The following RUNX1T1 variants were observed in gnomAD, a reference collection of about 807,000 sequenced individuals.
The protein encoded by RUNX1T1 is protein CBFA2T1.
RUNX1T1 carries 4 observed loss-of-function variants against 62.8 expected under a neutral mutation model. That is an observed-to-expected ratio of 0.06 (90% CI 0.03 to 0.15). The LOEUF (loss-of-function observed/expected upper bound fraction) is 0.15, where lower values mean the gene tolerates loss of function less well. Ranked by LOEUF, RUNX1T1 falls within the 10% of genes least tolerant of loss-of-function variation. RUNX1T1 has a pLI of 1.00. For synonymous variants in RUNX1T1, 291 were observed against 286.0 expected (o/e 1.02, Z -0.18); for missense variants, 508 against 754.3 (o/e 0.67, Z 3.82).
chr8:92,004,309 A>G (rs976554263), intron 5 of RUNX1T1: 23 of 152,268 alleles, frequency 1.5e-4, no homozygotes, highest in African/African-American at 5.5e-4. Flanking sequence ...AAAATTCTCC[A>G]TATTTCAAAA....
chr8:91,976,391 GCTCTGATT>G (rs1247335282), intron 8 of RUNX1T1, among the ~76,000 whole-genome samples: 1 of 152,164 alleles, frequency 6.6e-6, no homozygotes, highest in Non-Finnish European at 1.5e-5. Flanking sequence ...TTTCCACAGA[GCTCTGATT>G]CTGCCACCTT....
rs536956504 is a variant in RUNX1T1 at position 92,033,464 on chromosome 8, G to A, written c.8-16101C>T. On this transcript the variant is annotated intron_variant, in intron 1 of 10. Transcript: ENST00000396218. Reference sequence around the variant, plus strand: ...TACTGAGTAGCTATTTCTTAAGTTCGTGATTCAGAATGGGGCAGAACTTTC... The same window carrying A: ...TACTGAGTAGCTATTTCTTAAGTTCATGATTCAGAATGGGGCAGAACTTTC... Among the ~76,000 whole-genome samples, 14 of 152,254 alleles carry A rather than the reference G, an allele frequency of 9.2e-5. No homozygotes were observed. The South Asian group carries it at 2.3e-3, about 25-fold the overall frequency.
chr8:92,003,808 T>G (rs1052273651), intron 5 of RUNX1T1, among the ~76,000 whole-genome samples: 13 of 152,212 alleles, frequency 8.5e-5, no homozygotes. Flanking sequence ...AAGTGCTCTA[T>G]TTTACTCTTA....
chr8:92,020,013 T>C (rs1188607108), intron 1 of RUNX1T1, among the ~76,000 whole-genome samples: 2 of 152,210 alleles, frequency 1.3e-5, no homozygotes, highest in African/African-American at 2.4e-5. Context: ...TCAGGGTTTT[T>C]ACATTAGCCA....
chr8:92,017,449 G>A, intron 1 of RUNX1T1, 86 bp from the exon 3 acceptor site: 1 of 1,600,912 alleles, frequency 6.2e-7, no homozygotes, highest in Non-Finnish European at 8.5e-7. Flanking sequence ...AAAAGCAAGT[G>A]AACAGAAGAA....
chr8:92,081,198 G>T, intron 1 of RUNX1T1: 1 of 577,218 alleles, frequency 1.7e-6, no homozygotes, highest in Non-Finnish European at 2.2e-6. Flanking sequence ...AACTTATCAG[G>T]ATGATATGAG....
At chr8:91,999,038 T>C (rs1819259634) in intron 5 of RUNX1T1, among the ~76,000 whole-genome samples, 1 of 152,246 alleles carries the variant, frequency 6.6e-6, no homozygotes, top group Non-Finnish European at 1.5e-5. Flanking sequence ...CCCCAGTATG[T>C]GTAATGCACT....
chr8:92,082,887 G>T (rs1175179937), intron 1 of RUNX1T1, among the ~76,000 whole-genome samples: 1 of 151,876 alleles, frequency 6.6e-6, no homozygotes, highest in African/African-American at 2.4e-5. Flanking sequence ...TCCAGAGGAA[G>T]AGAGGAGGGA....
intron 5 of RUNX1T1, among the ~76,000 whole-genome samples, chr8:91,998,688 T>C (rs1819179246): frequency 6.6e-6 from 1 of 152,182 alleles, no homozygotes; most frequent in Non-Finnish European, 1.5e-5. Context: ...CTGTTTCCCT[T>C]GCCTTTTCTA....
chr8:92,005,549 G>C (rs1313007408), intron 4 of RUNX1T1: 7 of 452,910 alleles, frequency 1.5e-5, no homozygotes, highest in African/African-American at 1.4e-4. Flanking sequence ...TGATAACATT[G>C]CAAGTGGCAC....
chr8:91,976,611 G>A (rs1254931049), intron 8 of RUNX1T1, among the ~76,000 whole-genome samples: 1 of 152,236 alleles, frequency 6.6e-6, no homozygotes, highest in South Asian at 2.1e-4. Context: ...AAAAGGAAAT[G>A]AAGTTCCACT....
In RUNX1T1 at chr8:91,999,603, T is replaced by G. The variant is rs1162907798; in HGVS notation, c.659+5513A>C. 2.6e-5 allele frequency among the ~76,000 whole-genome samples: 4 copies of G among 152,170 alleles called. No homozygotes were observed. In the East Asian group the frequency reaches 7.7e-4, roughly 29 times the overall value. On this transcript the variant is annotated intron_variant, in intron 5 of 10. Transcript: ENST00000396218. ...AGGGTTAGAATCCCATTAGGGCTTC[T>G]GACAAGCCATGTGACTTCACACACA...
At chr8:91,963,405 G>T (rs1479459191) in intron 10 of RUNX1T1, among the ~76,000 whole-genome samples, 1 of 152,204 alleles carries the variant, frequency 6.6e-6, no homozygotes, top group Non-Finnish European at 1.5e-5. Context: ...AATGTGTAGG[G>T]AACTTTAGTG....
exon 11 of RUNX1T1, chr8:91,960,046 T>C (rs1810085856): frequency 1.6e-6 from 1 of 608,254 alleles, no homozygotes; most frequent in South Asian, 2.0e-5. Context: ...CAATAAGTCA[T>C]TACGACCCGT....
intron 1 of RUNX1T1, among the ~76,000 whole-genome samples, chr8:92,060,406 G>A (rs1158007254): frequency 6.6e-6 from 1 of 150,970 alleles, no homozygotes; most frequent in Non-Finnish European, 1.5e-5. Context: ...AATAAGATCA[G>A]TTTGTGCACA....
chr8:92,030,224 G>A (rs549766854), intron 1 of RUNX1T1, among the ~76,000 whole-genome samples: 231 of 152,086 alleles, frequency 1.5e-3, no homozygotes, highest in African/African-American at 5.3e-3. Context: ...AAGCAATATC[G>A]TACTACCTAA....
At chr8:91,986,939 T>C in exon 7 of RUNX1T1, 1 of 1,612,982 alleles carries the variant, frequency 6.2e-7, no homozygotes, top group Middle Eastern at 1.7e-4. Flanking sequence ...TAGTCTGTGA[T>C]CAATCATTTC....
chr8:92,086,481 C>T (rs1043315393), intron 1 of RUNX1T1, among the ~76,000 whole-genome samples: 1 of 152,176 alleles, frequency 6.6e-6, no homozygotes, highest in Non-Finnish European at 1.5e-5. Flanking sequence ...CCAAGTCCTA[C>T]AGTGGTAAAT....
At chr8:92,085,018 T>C (rs1361327160) in intron 1 of RUNX1T1, among the ~76,000 whole-genome samples, 1 of 152,214 alleles carries the variant, frequency 6.6e-6, no homozygotes, top group Admixed American at 6.5e-5. Context: ...AACCCTTTAC[T>C]GAAGGTTGTG....
Sources: gnomAD v4.1 joint callset for allele counts (sites outside exome capture counted in the v4.1 genomes callset) on GRCh38, gnomAD v4.1.1 for gene constraint, MANE v1.5 for transcripts, NCBI Gene and HGNC (gene_info 2026-07-23, HGNC 2026-07-21) for gene names.